TAF4: variants seen among roughly 807,000 people sequenced by gnomAD.
TAF4 encodes the protein TATA-box binding protein associated factor 4, also known as transcription initiation factor TFIID subunit 4.
In TAF4, 9 loss-of-function variants were observed where a neutral mutation model predicts 90.3. That is an observed-to-expected ratio of 0.10 (90% confidence interval 0.06 to 0.17). The LOEUF is 0.17. Ranked by LOEUF, TAF4 falls within the 10% of genes least tolerant of loss-of-function variation. The pLI, the probability that TAF4 is intolerant of heterozygous loss-of-function variation, is 1.00. For missense variants in TAF4, 1,351 were observed against 1,370.7 expected (o/e 0.99, Z 0.23); for synonymous variants, 818 against 638.9 (o/e 1.28, Z -4.23).
At chr20:62,051,368 G>A (rs568235825) in intron 1 of TAF4, among the ~76,000 whole-genome samples, 116 of 152,260 alleles carry the variant, frequency 7.6e-4, no homozygotes, top group African/African-American at 2.6e-3. Context: ...GGGCGTCACC[G>A]CCCGGCCTGG....
chr20:62,002,532 C>T lies in TAF4; in HGVS notation c.2486+628G>A, dbSNP rs1004499453. Reference sequence around the variant, plus strand: ...TAGAAACAGGGCCTCACTCTGTCACCGACGCTGGCGTACACTGCTAAAACC... The same window carrying T: ...TAGAAACAGGGCCTCACTCTGTCACTGACGCTGGCGTACACTGCTAAAACC... On this transcript the variant is annotated intron_variant, in intron 9 of 14. Transcript: ENST00000252996. 5.3e-5 allele frequency among the ~76,000 whole-genome samples: 8 copies of T among 152,284 alleles called. No homozygotes were observed. In the East Asian group the frequency reaches 5.8e-4, roughly 11 times the overall value.
chr20:62,057,388 G>A (rs995211465), intron 1 of TAF4, among the ~76,000 whole-genome samples: 3 of 152,224 alleles, frequency 2.0e-5, no homozygotes, highest in African/African-American at 4.8e-5. Context: ...TCTTACTGCA[G>A]GGCCCTCATT....
intron 1 of TAF4, among the ~76,000 whole-genome samples, chr20:62,032,168 G>T (rs1343961256): frequency 6.6e-6 from 1 of 152,194 alleles, no homozygotes; most frequent in Non-Finnish European, 1.5e-5. Flanking sequence ...CATTTGGATG[G>T]TGCTTCCAGG....
At chr20:62,030,993 G>A (rs936610099) in intron 1 of TAF4, among the ~76,000 whole-genome samples, 3 of 152,178 alleles carry the variant, frequency 2.0e-5, no homozygotes, top group Admixed American at 6.5e-5. Flanking sequence ...GACACAACAT[G>A]CAACAAACAG....
At chr20:62,062,401 CTT>C (rs1011987289) in intron 1 of TAF4, among the ~76,000 whole-genome samples, 1 of 147,084 alleles carries the variant, frequency 6.8e-6, no homozygotes, top group African/African-American at 2.5e-5. Flanking sequence ...TTTATTGATA[CTT>C]TTTTTTTTTG....
chr20:62,014,078 C>T (rs565194941), intron 2 of TAF4, among the ~76,000 whole-genome samples: 122 of 151,714 alleles, frequency 8.0e-4, no homozygotes, highest in African/African-American at 2.8e-3. Context: ...CTCTGGCACC[C>T]CCTAACAGCA....
intron 1 of TAF4, among the ~76,000 whole-genome samples, chr20:62,051,651 G>A (rs1176603982): frequency 1.3e-5 from 2 of 151,390 alleles, no homozygotes; most frequent in Non-Finnish European, 2.9e-5. Context: ...TCCGCTCGGT[G>A]ACCCCCACAG....
rs762061418 is a variant in TAF4, at chr20:62,000,615, G to A, written c.2593C>T (p.Arg865Trp). The change falls in exon 10 of 15, where the codon CGG becomes TGG. Residue 865 changes from arginine to tryptophan, a missense_variant. Transcript: ENST00000252996. ...AGGAAGGTTTCATCTTTACAGGACC[G>A]CGTTAGCGTGCCCACCAATTCAGAG... is the stretch of plus-strand genomic sequence containing the variant. ...TNSELVGTLT[R>W]SCKDETFLLQ... is the part of the protein sequence containing the mutation. 3.1e-6 allele frequency: 5 copies of A among 1,614,120 alleles called. No individual in the cohort carries two copies. Among genetic ancestry groups the A allele is most frequent in the East Asian group, 4.5e-5 (2 of 44,902 alleles).
intron 9 of TAF4, among the ~76,000 whole-genome samples, chr20:62,001,247 C>T (rs886732112): frequency 1.3e-5 from 2 of 152,180 alleles, no homozygotes; most frequent in Admixed American, 1.3e-4. Flanking sequence ...TGATGAATGG[C>T]CCCTCCCCAG....
intron 14 of TAF4, among the ~76,000 whole-genome samples, chr20:61,990,694 G>A (rs2055625957): frequency 6.6e-6 from 1 of 152,214 alleles, no homozygotes; most frequent in South Asian, 2.1e-4. Flanking sequence ...GCAGCACAGG[G>A]CCTCACGCAG....
At chr20:62,038,154 G>A (rs1042397071) in intron 1 of TAF4, among the ~76,000 whole-genome samples, 2 of 152,010 alleles carry the variant, frequency 1.3e-5, no homozygotes, top group Middle Eastern at 3.4e-3. Flanking sequence ...TCAGCCTCCA[G>A]GTGGCTGGGA....
chr20:62,064,236 G>A (rs889270312), intron 1 of TAF4: 1 of 457,086 alleles, frequency 2.2e-6, no homozygotes, highest in Non-Finnish European at 3.6e-6. Flanking sequence ...CAGGGACAGC[G>A]ACAGGGACGC....
At chr20:61,988,497 ATTTCTGTAACT>A in intron 14 of TAF4, among the ~76,000 whole-genome samples, 1 of 152,322 alleles carries the variant, frequency 6.6e-6, no homozygotes, top group South Asian at 2.1e-4. Flanking sequence ...TCTCTGTACT[ATTTCTGTAACT>A]TTCCTGTAAG....
intron 1 of TAF4, chr20:62,037,282 C>T (rs952067055): frequency 2.0e-5 from 3 of 152,038 alleles, no homozygotes; most frequent in African/African-American, 7.2e-5. Context: ...GAGACAAGAA[C>T]AAGAAATAAA....
chr20:61,998,643 G>A (rs1287494020), intron 12 of TAF4, among the ~76,000 whole-genome samples: 1 of 152,140 alleles, frequency 6.6e-6, no homozygotes, highest in African/African-American at 2.4e-5. Context: ...GCAGTGCCTC[G>A]CCTGGCTGTG....
intron 9 of TAF4, among the ~76,000 whole-genome samples, chr20:62,000,964 C>T (rs1316018757): frequency 1.3e-5 from 2 of 152,238 alleles, no homozygotes; most frequent in Non-Finnish European, 2.9e-5. Flanking sequence ...AACATCTACA[C>T]ACAGATGCGC....
chr20:62,020,359 CA>C (rs2055835865), intron 1 of TAF4, among the ~76,000 whole-genome samples: 1 of 152,252 alleles, frequency 6.6e-6, no homozygotes, highest in Non-Finnish European at 1.5e-5. Context: ...GCACAAGCAT[CA>C]GGGGCACGGA....
chr20:61,977,182 C>G (rs1237554759), intron 14 of TAF4, among the ~76,000 whole-genome samples: 1 of 145,068 alleles, frequency 6.9e-6, no homozygotes, highest in Non-Finnish European at 1.6e-5. Context: ...GAGCCACACA[C>G]ACGACACCGC....
chr20:62,011,694 C>T (rs1044024149), intron 3 of TAF4, among the ~76,000 whole-genome samples: 1 of 152,144 alleles, frequency 6.6e-6, no homozygotes, highest in Non-Finnish European at 1.5e-5. Context: ...GTCCACACCC[C>T]CTGGGGCTCA....
Sources: allele counts gnomAD v4.1 joint callset (sites outside exome capture counted in the v4.1 genomes callset), GRCh38; gene constraint gnomAD v4.1.1; transcripts MANE v1.5; gene names NCBI Gene and HGNC (gene_info 2026-07-23, HGNC 2026-07-21).